Variants in ZNF346 observed in about 807,000 individuals in gnomAD.
The protein encoded by ZNF346 is zinc finger protein 346.
A neutral mutation model predicts 33.7 loss-of-function variants in ZNF346; 23 were observed. That is an observed-to-expected ratio of 0.68 (90% confidence interval 0.49 to 0.97). The LOEUF is 0.97. Ranked by LOEUF, ZNF346 falls within the 50% of genes least tolerant of loss-of-function variation. ZNF346 has a pLI of 0.00. For missense variants in ZNF346, 340 were observed against 371.1 expected, an observed-to-expected ratio of 0.92 and a Z score of 0.69; for synonymous variants, 134 against 142.4, an observed-to-expected ratio of 0.94 and a Z score of 0.42.
At chr5:177,073,330 G>A (rs544341847) in intron 8 of ZNF346, among the ~76,000 whole-genome samples, 4 of 152,268 alleles carry the variant, frequency 2.6e-5, no homozygotes, top group South Asian at 4.1e-4. Context: ...TTGAAACAGC[G>A]TCTCACTCTG....
At chr5:177,030,961 C>T (rs1777607593) in intron 1 of ZNF346, among the ~76,000 whole-genome samples, 1 of 140,350 alleles carries the variant, frequency 7.1e-6, no homozygotes, top group Non-Finnish European at 1.5e-5. Context: ...GCTCTTGTTG[C>T]CCAGGCTGGA....
intron 1 of ZNF346, among the ~76,000 whole-genome samples, chr5:177,033,318 A>G (rs768508984): frequency 1.3e-5 from 2 of 152,104 alleles, no homozygotes; most frequent in African/African-American, 2.4e-5. Flanking sequence ...GCATCAAGCA[A>G]TCCTCTAGCC....
In ZNF346 at chr5:177,035,633, C is replaced by CT. The variant is rs57259759; in HGVS notation, c.176-5471dup. The stretch of plus-strand genomic sequence containing the variant: ...CTTACCATCACACCCGGCTAATTGA[C>CT]TTTTTTTTTTTTTTTTTTTTTTGAG... On this transcript the variant is annotated intron_variant, in intron 1 of 6. Coordinates refer to ENST00000358149, the MANE Select transcript of ZNF346 (RefSeq NM_012279.4). Among the ~76,000 whole-genome samples the CT allele has an allele frequency of 4.2e-3, 432 of 102,040 alleles. 5 individuals carry two copies. The highest frequency in any genetic ancestry group is 0.015 in the East Asian group (53 of 3,616). The allele number at this position is 102,040 out of a possible 152,430, so 66.9% of individuals were successfully genotyped here. A position where few individuals can be genotyped will look rare whatever the true frequency, so the allele number is the denominator to read the frequency against.
chr5:177,044,292 C>G, intron 3 of ZNF346, 97 bp from the exon 4 acceptor site: 1 of 1,298,666 alleles, frequency 7.7e-7, no homozygotes, highest in Non-Finnish European at 1.1e-6. Flanking sequence ...GTGAGGGGGG[C>G]CATAAATGCC....
chr5:177,076,748 A>G (rs1053081554), intron 8 of ZNF346, among the ~76,000 whole-genome samples: 1 of 152,186 alleles, frequency 6.6e-6, no homozygotes, highest in African/African-American at 2.4e-5. Context: ...GTGCTTTAAT[A>G]AGTATCGTTG....
At position 177,028,940 on chromosome 5, in the gene ZNF346, C is replaced by T. The variant is rs184443595; in HGVS notation, c.175+6027C>T. Among the ~76,000 whole-genome samples, 1,382 of 151,798 alleles carry T rather than the reference C, an allele frequency of 9.1e-3. 10 individuals are homozygous for T. Among genetic ancestry groups the T allele is most frequent in the South Asian group, 0.025 (120 of 4,794 alleles). On this transcript the variant is annotated intron_variant, in intron 1 of 6. Coordinates refer to ENST00000358149, the MANE Select transcript of ZNF346 (RefSeq NM_012279.4). ...TTCACCATGTTAGCCAGGCTGATCT[C>T]GATTTCCTGACCTCGTAATCTGCCC...
chr5:177,052,809 G>T (rs1252476914), intron 5 of ZNF346: 1 of 152,130 alleles, frequency 6.6e-6, no homozygotes, highest in Non-Finnish European at 1.5e-5. Flanking sequence ...TCAACTTTAC[G>T]ATGGTGTGAA....
At chr5:177,028,495 T>TA (rs1342787452) in intron 1 of ZNF346, among the ~76,000 whole-genome samples, 10,656 of 81,138 alleles carry the variant, frequency 0.13, 1,487 homozygotes, top group African/African-American at 0.35. Context: ...CTTGTGACGT[T>TA]TTATATATAT....
intron 1 of ZNF346, 45 bp downstream of exon 1, chr5:177,022,958 C>T: frequency 6.9e-7 from 1 of 1,443,808 alleles, no homozygotes. Flanking sequence ...GCCCGCTGCG[C>T]GGCTCGCGGG....
rs776394787 is a variant in ZNF346, at chr5:177,050,878, G to A, written c.645G>A (p.Lys215=). 27 of 1,614,184 alleles carry A rather than the reference G, an allele frequency of 1.7e-5. No homozygotes were observed. The South Asian group carries it at 2.6e-4, about 16-fold the overall frequency. Reference sequence around the variant, plus strand: ...AGAAACACAGAAAACAGGAGACCAAGCTCAAACTAATGGCACGCTATGGGC... The same window carrying A: ...AGAAACACAGAAAACAGGAGACCAAACTCAAACTAATGGCACGCTATGGGC... The part of the protein sequence containing the change: ...VGKKHRKQET[K]LKLMARYGRL... Residue 215 remains lysine, a synonymous_variant, in exon 5 of 7, where the codon AAG becomes AAA. Transcript: ENST00000358149.
chr5:177,044,665 A>T (rs938973513), intron 4 of ZNF346, 132 bp downstream of exon 4: 72 of 927,720 alleles, frequency 7.8e-5, no homozygotes, highest in Non-Finnish European at 1.0e-4. Flanking sequence ...AACCCTTAAA[A>T]ATCTCCAAGT....
intron 5 of ZNF346, among the ~76,000 whole-genome samples, chr5:177,058,286 A>G (rs1435000673): frequency 6.6e-6 from 1 of 151,814 alleles, no homozygotes; most frequent in South Asian, 2.1e-4. Context: ...ACCAGCCTCA[A>G]CATGGAGAAA....
chr5:177,063,582 CAGAGCCCCTCCCTGGGG>C (rs1286125111), intron 6 of ZNF346, among the ~76,000 whole-genome samples: 49 of 152,312 alleles, frequency 3.2e-4, no homozygotes, highest in African/African-American at 1.1e-3. Context: ...TGAAGCCAAC[CAGAGCCCCTCCCTGGGG>C]CTACCCACAC....
chr5:177,057,852 G>A (rs371510374), intron 5 of ZNF346, among the ~76,000 whole-genome samples: 15 of 146,852 alleles, frequency 1.0e-4, no homozygotes, highest in South Asian at 2.2e-4. Flanking sequence ...ACAGAGTTTC[G>A]CTCTTAATGC....
intron 5 of ZNF346, among the ~76,000 whole-genome samples, chr5:177,053,857 A>T (rs941991977): frequency 6.6e-6 from 1 of 152,178 alleles, no homozygotes; most frequent in Non-Finnish European, 1.5e-5. Flanking sequence ...CCCCATGGAT[A>T]TCTGAAATGG....
chr5:177,075,492 T>C (rs1173434715), intron 8 of ZNF346, among the ~76,000 whole-genome samples: 1 of 152,206 alleles, frequency 6.6e-6, no homozygotes, highest in African/African-American at 2.4e-5. Context: ...TCCCCTAATA[T>C]GGGCTGTAAG....
chr5:177,047,596 T>G (rs1412343484), intron 4 of ZNF346, among the ~76,000 whole-genome samples: 1 of 151,900 alleles, frequency 6.6e-6, no homozygotes, highest in Non-Finnish European at 1.5e-5. Context: ...ACCTCCACCC[T>G]CTGGGTTCAA....
intron 5 of ZNF346, among the ~76,000 whole-genome samples, chr5:177,053,763 A>G (rs1004514278): frequency 1.3e-5 from 2 of 152,300 alleles, no homozygotes; most frequent in South Asian, 2.1e-4. Context: ...AAATGTATGT[A>G]TATTTTAACA....
chr5:177,048,400 T>TCACCTGATC (rs1780391201), intron 4 of ZNF346, among the ~76,000 whole-genome samples: 1 of 152,158 alleles, frequency 6.6e-6, no homozygotes, highest in Non-Finnish European at 1.5e-5. Context: ...GGCGGGTGGA[T>TCACCTGATC]CACCTGAGGT....
Sources: gnomAD v4.1 joint callset for allele counts (sites outside exome capture counted in the v4.1 genomes callset) on GRCh38, gnomAD v4.1.1 for gene constraint, MANE v1.5 for transcripts, NCBI Gene and HGNC (gene_info 2026-07-23, HGNC 2026-07-21) for gene names.